Variants in APOB observed in about 807,000 individuals in gnomAD.
APOB encodes apolipoprotein B.
Under a neutral mutation model 314.1 loss-of-function variants are expected in APOB, and 153 were observed. The ratio of observed to expected loss-of-function variants is 0.49; its 90% confidence interval spans 0.43 to 0.56. The LOEUF (loss-of-function observed/expected upper bound fraction) is 0.56. APOB is among the 20% of genes least tolerant of loss of function. The pLI, the probability that APOB is intolerant of heterozygous loss-of-function variation, is 0.00. For synonymous variants in APOB, 2,087 were observed against 2,036.4 expected (o/e 1.02, Z -0.67); for missense variants, 5,430 against 5,350.7 (o/e 1.01, Z -0.46).
In APOB at chr2:21,005,899, C is replaced by A. The variant is rs1485341992; in HGVS notation, c.10969G>T (p.Ala3657Ser). ...AAGGATCCTGCAATGTCAAGGTGTGCCTTTTCTTGGTCATTGGAAAGCTCG... is the reference window on the plus strand; with the variant it reads ...AAGGATCCTGCAATGTCAAGGTGTGACTTTTCTTGGTCATTGGAAAGCTCG... ...QVELSNDQEKAHLDIAGSLEG... is the reference protein window; with the variant it reads ...QVELSNDQEKSHLDIAGSLEG... The change falls in exon 26 of 29, where the codon GCA becomes TCA. Residue 3657 changes from alanine to serine, a missense_variant. Ala to Ser is a moderately conservative substitution (Grantham distance 99). Around this residue, in one of 3 missense-constraint regions of APOB, gnomAD observed 3,281 missense variants for 3,171.0 expected, o/e 1.03. Transcript: ENST00000233242. 1 of 1,613,752 alleles carries A rather than the reference C, an allele frequency of 6.2e-7. No individual in the cohort carries two copies. The highest frequency in any genetic ancestry group is 8.5e-7 in the Non-Finnish European group (1 of 1,179,956).
rs1169074660 is a variant in APOB, at chr2:21,023,522, T to TA, written c.2604+2dup. On this transcript the variant is annotated splice_region_variant and intron_variant, in intron 17 of 28. Transcript: ENST00000233242. Reference sequence around the variant, plus strand: ...AGAAATCAAAAGGCAAACAGAATCTTACGTTGGCTACTTCCAGTTTTACTC... The same window carrying TA: ...AGAAATCAAAAGGCAAACAGAATCTTAACGTTGGCTACTTCCAGTTTTACTC... 6.2e-7 allele frequency: 1 copy of TA among 1,614,020 alleles called. No homozygotes were observed. The highest frequency in any genetic ancestry group is 1.3e-5 in the African/African-American group (1 of 74,946).
chr2:21,004,984 AT>A (rs1663087975), intron 26 of APOB, 95 bp downstream of exon 26: 11 of 1,501,734 alleles, frequency 7.3e-6, no homozygotes, highest in Middle Eastern at 2.3e-4. Context: ...ACATTGAGTA[AT>A]TGTACATCTA....
chr2:21,028,595 C>T (rs973907753), intron 12 of APOB, 57 bp from the exon 13 acceptor site: 2 of 1,218,088 alleles, frequency 1.6e-6, no homozygotes, highest in African/African-American at 1.5e-5. Context: ...ACAGAACATG[C>T]CTGGCAAACA....
chr2:21,022,878 C>G lies in APOB; in HGVS notation c.2769G>C (p.Lys923Asn), dbSNP rs1558570055. 5.6e-6 allele frequency: 9 copies of G among 1,614,178 alleles called. No individual in the cohort carries two copies. Among genetic ancestry groups the G allele is most frequent in the Non-Finnish European group, 7.6e-6 (9 of 1,180,034 alleles). Residue 923 changes from lysine to asparagine, a missense_variant, in exon 18 of 29, where the codon AAG (lysine) becomes AAC (asparagine). Physicochemically the swap from Lys to Asn is moderately conservative, Grantham distance 94. This residue lies in a region of APOB where 2,085 missense variants were observed against 2,079.7 expected (regional missense o/e 1.00). Transcript: ENST00000233242. ...GTCTCTTTGGGGAAGGAATGATAAA[C>G]TTCAGCTTCCCAGCTTTTAGGGCAA... The part of the protein sequence containing the change: ...AHVALKAGKL[K>N]FIIPSPKRPV...
Position 21,006,944 on chromosome 2 carries a change from A to C in APOB, c.9924T>G (p.His3308Gln), listed in dbSNP as rs370661042. The C allele has an allele frequency of 1.2e-6, 2 of 1,613,992 alleles. No homozygotes were observed. The highest frequency in any genetic ancestry group is 2.7e-5 in the African/African-American group (2 of 74,924). The stretch of plus-strand genomic sequence containing the variant: ...GAGAAAGCTTGAGATTTCTAGGGAC[A>C]TGAAGGACTGGCAGCTCTAATGATG... ...ILPSLELPVL[H>Q]VPRNLKLSLP... is the part of the protein sequence containing the mutation. Residue 3308 changes from histidine to glutamine, a missense_variant, in exon 26 of 29, where the codon CAT becomes CAG. By Grantham distance (24) the His-to-Gln change is conservative. Transcript: ENST00000233242.
At position 21,022,868 on chromosome 2, in the gene APOB, G is replaced by T. The variant is rs757511363; in HGVS notation, c.2779C>A (p.Pro927Thr). 8 of 1,614,042 alleles carry T rather than the reference G, an allele frequency of 5.0e-6. No homozygotes were observed. The South Asian group carries it at 8.8e-5, about 18-fold the overall frequency. The change falls in exon 18 of 29, where the codon CCT becomes ACT. Residue 927 changes from proline (P) to threonine (T), a missense_variant. Physicochemically the swap from Pro to Thr is conservative, Grantham distance 38. This residue lies in a region of APOB where 2,085 missense variants were observed against 2,079.7 expected (regional missense o/e 1.00). Coordinates refer to ENST00000233242, the MANE Select transcript of APOB (RefSeq NM_000384.3). The stretch of plus-strand genomic sequence containing the variant: ...AGCTTGACTGGTCTCTTTGGGGAAG[G>T]AATGATAAACTTCAGCTTCCCAGCT... ...LKAGKLKFII[P>T]SPKRPVKLLS...
chr2:21,017,026 T>C (rs372567033), intron 20 of APOB, among the ~76,000 whole-genome samples: 3,624 of 105,292 alleles, frequency 0.034, 126 homozygotes, highest in African/African-American at 0.1. Context: ...AACAAACAAA[T>C]AAATAAATAA....
intron 8 of APOB, among the ~76,000 whole-genome samples, chr2:21,034,123 C>G (rs1237520452): frequency 6.6e-6 from 1 of 152,150 alleles, no homozygotes; most frequent in Non-Finnish European, 1.5e-5. Context: ...CTACTGTGAC[C>G]TATGCCAGGA....
intron 7 of APOB, 77 bp downstream of exon 7, chr2:21,035,507 G>T: frequency 6.3e-7 from 1 of 1,582,518 alleles, no homozygotes; most frequent in Non-Finnish European, 8.7e-7. Context: ...AGGTTTGCCT[G>T]GAACAGAGCA....
At chr2:21,029,103 C>T (rs1319239672) in intron 12 of APOB, among the ~76,000 whole-genome samples, 1 of 152,202 alleles carries the variant, frequency 6.6e-6, no homozygotes, top group Non-Finnish European at 1.5e-5. Context: ...ATTTCTCTCA[C>T]GTCACATACT....
Position 21,008,955 on chromosome 2 carries a change from T to G in APOB, c.7913A>C (p.Asn2638Thr). The G allele has an allele frequency of 6.2e-7, 1 of 1,614,022 alleles. No individual in the cohort carries two copies. Among genetic ancestry groups the G allele is most frequent in the Non-Finnish European group, 8.5e-7 (1 of 1,179,918 alleles). ...GGAAAACCTGGATGGGATTTTTATA[T>G]TTTTTAAGTCTTTGAAGTTTATCTG... ...SVQINFKDLK[N>T]IKIPSRFSTP... The change falls in exon 26 of 29, where the codon AAT becomes ACT. Residue 2638 changes from asparagine (N) to threonine (T), a missense_variant. This residue lies in a region of APOB where 3,281 missense variants were observed against 3,171.0 expected (regional missense o/e 1.03). Transcript: ENST00000233242.
At position 21,019,872 on chromosome 2, in the gene APOB, C is replaced by T. The variant is rs760186219; in HGVS notation, c.2850G>A (p.Thr950=). The T allele has an allele frequency of 1.2e-5, 20 of 1,614,030 alleles. No homozygotes were observed. In the East Asian group the frequency reaches 2.0e-4, roughly 16 times the overall value. ...NTLHLVSTTK[T]EVIPPLIENR... ...TCTCAATGAGAGGTGGGATCACCTC[C>T]GTTTTGGTGGTAGAGACCAAATGTA... Residue 950 remains threonine, a synonymous_variant, in exon 19 of 29, where the codon ACG becomes ACA. Coordinates refer to ENST00000233242, the MANE Select transcript of APOB (RefSeq NM_000384.3).
rs768242937 is a variant in APOB at position 21,035,603 on chromosome 2, A to G, written c.799T>C (p.Phe267Leu). 1.2e-6 allele frequency: 2 copies of G among 1,614,136 alleles called. No individual in the cohort carries two copies. The highest frequency in any genetic ancestry group is 1.7e-6 in the Non-Finnish European group (2 of 1,180,042). The change falls in exon 7 of 29, where the codon TTC (phenylalanine) becomes CTC (leucine). Residue 267 changes from phenylalanine to leucine, a missense_variant. Around this residue, in one of 3 missense-constraint regions of APOB, gnomAD observed 2,085 missense variants for 2,079.7 expected, o/e 1.00. Coordinates refer to ENST00000233242, the MANE Select transcript of APOB (RefSeq NM_000384.3). Reference sequence around the variant, plus strand: ...ACCTACTTGTAGGAGAAAGGCAGGAAGAGGTGTTGCTCCTTGCAGATGGCT... The same window carrying G: ...ACCTACTTGTAGGAGAAAGGCAGGAGGAGGTGTTGCTCCTTGCAGATGGCT... ...AEAICKEQHL[F>L]LPFSYKNKYG... is the part of the protein sequence containing the mutation.
rs2103384306 is a variant in APOB at position 21,037,394 on chromosome 2, C to T, written c.538-139G>A. ...GAGGGACTTTCTTTTTCTTCCTATG[C>T]AGAGTGTGGTCTTGCTAGTGCCTGG... On this transcript the variant is annotated intron_variant, in intron 5 of 28. Coordinates refer to ENST00000233242, the MANE Select transcript of APOB (RefSeq NM_000384.3). The T allele has an allele frequency of 4.0e-6, 4 of 987,830 alleles. 1 individual carries two copies. In the South Asian group the frequency reaches 5.6e-5, roughly 14 times the overall value. The allele number at this position is 987,830 out of a possible 1,614,324, so 61.2% of individuals were successfully genotyped here.
rs1664021030 is a variant in APOB, at chr2:21,037,115, A to G, written c.678T>C (p.Ala226=). 6 of 1,614,206 alleles carry G rather than the reference A, an allele frequency of 3.7e-6. No homozygotes were observed. The highest frequency in any genetic ancestry group is 5.1e-6 in the Non-Finnish European group (6 of 1,180,034). Residue 226 remains alanine, a synonymous_variant, in exon 6 of 29, where the codon GCT becomes GCC. Coordinates refer to ENST00000233242, the MANE Select transcript of APOB (RefSeq NM_000384.3). ...KPIRTGISPL[A]LIKGMTRPLS... ...TGGGACTTACCATGCCTTTGATGAG[A>G]GCAAGTGGGCTGATGCCTGTGCGGA...
At position 21,007,144 on chromosome 2, in the gene APOB, G is replaced by A. The variant is rs763445065; in HGVS notation, c.9724C>T (p.Leu3242Phe). 2 of 1,613,982 alleles carry A rather than the reference G, an allele frequency of 1.2e-6. No homozygotes were observed. The highest frequency in any genetic ancestry group is 1.7e-6 in the Non-Finnish European group (2 of 1,179,944). ...CCAGGAATTTGAAAGGTCCTGGGGA[G>A]CTCGTCGTGAGATTTTTCAGCTTTG... Reference protein sequence around the residue: ...KYKAEKSHDELPRTFQIPGYT... With the variant: ...KYKAEKSHDEFPRTFQIPGYT... The change falls in exon 26 of 29, where the codon CTC becomes TTC. Residue 3242 changes from leucine (L) to phenylalanine (F), a missense_variant. Physicochemically the swap from Leu to Phe is conservative, Grantham distance 22. Around this residue, in one of 3 missense-constraint regions of APOB, gnomAD observed 3,281 missense variants for 3,171.0 expected, o/e 1.03. Coordinates refer to ENST00000233242, the MANE Select transcript of APOB (RefSeq NM_000384.3).
Position 21,011,471 on chromosome 2 carries a change from A to G in APOB, c.5397T>C (p.Ser1799=). 1 of 1,614,206 alleles carries G rather than the reference A, an allele frequency of 6.2e-7. No individual in the cohort carries two copies. The highest frequency in any genetic ancestry group is 1.7e-5 in the Admixed American group (1 of 60,018). Residue 1799 remains serine, a synonymous_variant, in exon 26 of 29, where the codon AGT becomes AGC. Transcript: ENST00000233242. ...QPYSLVTTLN[S]DLKYNALDLT... The stretch of plus-strand genomic sequence containing the variant: ...GATCCAGAGCATTGTATTTCAGGTC[A>G]CTGTTTAAAGTAGTTACCAGAGAAT...
At chr2:21,015,308 A>G (rs570110753) in intron 22 of APOB, 48 bp from the exon 23 acceptor site, 15 of 1,612,654 alleles carry the variant, frequency 9.3e-6, no homozygotes, top group Non-Finnish European at 1.2e-5. Flanking sequence ...TTCAGCCTGT[A>G]ACCACAGGTC....
Position 21,015,186 on chromosome 2 carries a change from C to T in APOB, c.3583G>A (p.Val1195Met), listed in dbSNP as rs1060500236. ...CTCTTAGGATAATCGGAGAGATCCA[C>T]AGGGAAATTGGAAGTCATTTTTTTG... ...DTKKMTSNFP[V>M]DLSDYPKSLH... The change falls in exon 23 of 29, where the codon GTG (valine) becomes ATG (methionine). Residue 1195 changes from valine (V) to methionine (M), a missense_variant. This residue lies in a region of APOB where 2,085 missense variants were observed against 2,079.7 expected (regional missense o/e 1.00). Coordinates refer to ENST00000233242, the MANE Select transcript of APOB (RefSeq NM_000384.3). 2 of 1,614,148 alleles carry T rather than the reference C, an allele frequency of 1.2e-6. No homozygotes were observed. Among genetic ancestry groups the T allele is most frequent in the Non-Finnish European group, 1.7e-6 (2 of 1,180,006 alleles).
Sources: allele counts gnomAD v4.1 joint callset (sites outside exome capture counted in the v4.1 genomes callset), GRCh38; gene constraint gnomAD v4.1.1; regional missense constraint gnomAD v4.1.1; transcripts MANE v1.5; gene names NCBI Gene and HGNC (gene_info 2026-07-23, HGNC 2026-07-21).